The following SNRPN variants were observed in gnomAD, a reference collection of about 807,000 sequenced individuals.
SNRPN encodes small nuclear ribonucleoprotein polypeptide N.
SNRPN carries 7 observed loss-of-function variants against 25.2 expected under a neutral mutation model. That is an observed-to-expected ratio of 0.28 (90% CI 0.16 to 0.52). The LOEUF (loss-of-function observed/expected upper bound fraction) is 0.52. Ranked by LOEUF, SNRPN falls within the 20% of genes least tolerant of loss-of-function variation. SNRPN has a pLI of 0.96. For missense variants in SNRPN, 196 were observed against 322.5 expected (o/e 0.61, Z 3.00); for synonymous variants, 124 against 110.6 (o/e 1.12, Z -0.76).
intron 1 of SNRPN, among the ~76,000 whole-genome samples, chr15:24,868,903 G>A (rs2054837425): frequency 6.6e-6 from 1 of 152,126 alleles, no homozygotes; most frequent in Non-Finnish European, 1.5e-5. Context: ...TTGGGAGGAC[G>A]AGGTGGGAGG....
chr15:24,893,325 A>G (rs2057829309), intron 2 of SNRPN, among the ~76,000 whole-genome samples: 2 of 150,556 alleles, frequency 1.3e-5, no homozygotes, highest in South Asian at 4.2e-4. Context: ...GGTCTTAAAA[A>G]ATCCTTTCAG....
intron 2 of SNRPN, among the ~76,000 whole-genome samples, chr15:24,843,504 C>T (rs1002117804): frequency 3.9e-5 from 6 of 151,928 alleles, no homozygotes; most frequent in East Asian, 1.9e-4. Context: ...AAAACTTGGC[C>T]GGGTGCAGTG....
At chr15:24,892,188 C>A (rs1262106927) in intron 2 of SNRPN, among the ~76,000 whole-genome samples, 1 of 152,158 alleles carries the variant, frequency 6.6e-6, no homozygotes, top group Non-Finnish European at 1.5e-5. Context: ...AGTCTATTTC[C>A]AAATAGTCTT....
At chr15:24,836,556 C>T (rs1003472811) in intron 2 of SNRPN, among the ~76,000 whole-genome samples, 10 of 151,890 alleles carry the variant, frequency 6.6e-5, no homozygotes, top group Non-Finnish European at 1.2e-4. Context: ...GGACTATAGG[C>T]GCCCACCACC....
chr15:24,963,265 G>A (rs1350940156), intron 2 of SNRPN, among the ~76,000 whole-genome samples: 1 of 152,172 alleles, frequency 6.6e-6, no homozygotes, highest in Non-Finnish European at 1.5e-5. Flanking sequence ...CTTGCTGCTG[G>A]ATATTTAGTT....
intron 3 of SNRPN, chr15:24,942,488 T>C (rs764598374): frequency 6.6e-5 from 10 of 152,228 alleles, no homozygotes; most frequent in Non-Finnish European, 1.2e-4. Flanking sequence ...TCCATGAGCA[T>C]GGGCCCATTG....
upstream of SNRPN, among the ~76,000 whole-genome samples, chr15:24,950,996 C>T (rs2062224567): frequency 6.6e-6 from 1 of 151,882 alleles, no homozygotes; most frequent in Non-Finnish European, 1.5e-5. Flanking sequence ...GCAGCTGGGA[C>T]TGCAGGCGCC....
At chr15:24,934,419 G>C (rs2061091478) in intron 3 of SNRPN, among the ~76,000 whole-genome samples, 1 of 152,188 alleles carries the variant, frequency 6.6e-6, no homozygotes. Flanking sequence ...ATGCCCACTT[G>C]TTTACATATT....
At chr15:24,827,330 C>G (rs529063356) in intron 1 of SNRPN, among the ~76,000 whole-genome samples, 1 of 147,964 alleles carries the variant, frequency 6.8e-6, no homozygotes, top group South Asian at 2.2e-4. Flanking sequence ...CTGGCTAACA[C>G]GGTGAAACAC....
intron 3 of SNRPN, among the ~76,000 whole-genome samples, chr15:24,948,625 C>T (rs1026062772): frequency 6.6e-6 from 1 of 152,032 alleles, no homozygotes; most frequent in African/African-American, 2.4e-5. Context: ...AATCACAGTA[C>T]AGCTAGTACT....
intron 2 of SNRPN, among the ~76,000 whole-genome samples, chr15:24,832,873 G>A (rs945579261): frequency 1.3e-5 from 2 of 151,908 alleles, no homozygotes; most frequent in African/African-American, 2.4e-5. Flanking sequence ...TTGGGAGGCC[G>A]AGGCGGGCGG....
In SNRPN at chr15:24,835,030, T is replaced by TAGTATATATATATATAAA. The variant is rs1566807282; in HGVS notation, c.-579+5126_-579+5127insGTATATATATATATAAAA. Among the ~76,000 whole-genome samples the TAGTATATATATATATAAA allele has an allele frequency of 3.2e-5, 2 of 62,220 alleles. 1 individual carries two copies. The highest frequency in any genetic ancestry group is 6.5e-5 in the Non-Finnish European group (2 of 30,748). The allele number at this position is 62,220 out of a possible 152,430, so 40.8% of individuals were successfully genotyped here. The stretch of plus-strand genomic sequence containing the variant: ...TATATCTATATATAAAATAGATATA[T>TAGTATATATATATATAAA]ATAGTATATATATCTATATATAAAA... On this transcript the variant is annotated intron_variant, in intron 2 of 12. Transcript: ENST00000400100.
In SNRPN at chr15:24,918,788, G is replaced by A. The variant is rs1313507512; in HGVS notation, c.-504-1223G>A. ...CATATATATATAACATAATATATAT[G>A]TGTGCATATATATATATAACAATAT... On this transcript the variant is annotated intron_variant, in intron 2 of 11. Transcript: ENST00000400097. Among the ~76,000 whole-genome samples, 27 of 28,200 alleles carry A rather than the reference G, an allele frequency of 9.6e-4. 4 individuals carry two copies. The highest frequency in any genetic ancestry group is 3.5e-3 in the African/African-American group (22 of 6,322). 18.5% of individuals were successfully genotyped at this position (28,200 alleles called of 152,430 possible).
At chr15:24,885,167 T>C (rs184875586) in intron 1 of SNRPN, among the ~76,000 whole-genome samples, 17 of 151,960 alleles carry the variant, frequency 1.1e-4, no homozygotes, top group African/African-American at 4.1e-4. Flanking sequence ...TTATGGGTAT[T>C]GGGACATCTG....
At chr15:24,921,388 A>G (rs183277816) in intron 3 of SNRPN, 1 of 152,198 alleles carries the variant, frequency 6.6e-6, no homozygotes, top group East Asian at 1.9e-4. Context: ...GTAGCCCTGG[A>G]AACATGTTTG....
chr15:24,878,296 C>T (rs1446850288), intron 1 of SNRPN, among the ~76,000 whole-genome samples: 3 of 152,212 alleles, frequency 2.0e-5, no homozygotes, highest in Non-Finnish European at 1.5e-5. Flanking sequence ...TTACCGCAAC[C>T]ACCGCTGCCA....
At chr15:24,931,838 CAAAAAAAAAAAAAAAA>C (rs71127026) in intron 3 of SNRPN, among the ~76,000 whole-genome samples, 1 of 42,980 alleles carries the variant, frequency 2.3e-5, no homozygotes, top group Non-Finnish European at 3.6e-5. Context: ...GAACCTGTCT[CAAAAAAAAAAAAAAAA>C]AAAAAAAAAA....
chr15:24,872,283 T>C (rs1170594654), intron 1 of SNRPN, among the ~76,000 whole-genome samples: 2 of 116,780 alleles, frequency 1.7e-5, no homozygotes, highest in Non-Finnish European at 3.8e-5. Flanking sequence ...TTCTCCTGCC[T>C]CAGCCTCCCA....
chr15:24,880,022 G>A (rs1426704115), intron 1 of SNRPN, among the ~76,000 whole-genome samples: 1 of 152,092 alleles, frequency 6.6e-6, no homozygotes, highest in African/African-American at 2.4e-5. Context: ...TAACTTCACA[G>A]TAATTTTCGT....
Sources: allele counts gnomAD v4.1 joint callset (sites outside exome capture counted in the v4.1 genomes callset), GRCh38; gene constraint gnomAD v4.1.1; transcripts MANE v1.5; gene names NCBI Gene and HGNC (gene_info 2026-07-23, HGNC 2026-07-21).